ZNF232: variants seen among roughly 807,000 people sequenced by gnomAD.
The protein encoded by ZNF232 is zinc finger protein 232.
A neutral mutation model predicts 25.2 loss-of-function variants in ZNF232; 25 were observed. The observed-to-expected ratio is 0.99, with a 90% CI of 0.72 to 1.39. The LOEUF (loss-of-function observed/expected upper bound fraction) is 1.39. Among genes scored for constraint, ZNF232 ranks in the 40% most tolerant of loss-of-function variants. The pLI, the probability that ZNF232 is intolerant of heterozygous loss-of-function variation, is 0.00. For missense variants in ZNF232, 519 were observed against 520.9 expected, an observed-to-expected ratio of 1.00 and a Z score of 0.04; for synonymous variants, 193 against 182.9, an observed-to-expected ratio of 1.06 and a Z score of -0.45.
At position 5,109,058 on chromosome 17, in the gene ZNF232, G is replaced by A; in HGVS notation, c.499-6C>T. 2 of 1,613,996 alleles carry A rather than the reference G, an allele frequency of 1.2e-6. No individual in the cohort carries two copies. The highest frequency in any genetic ancestry group is 1.7e-6 in the Non-Finnish European group (2 of 1,179,968). On this transcript the variant is annotated splice_region_variant and splice_polypyrimidine_tract_variant and intron_variant, in intron 2 of 3. Transcript: ENST00000575898. ...CCATGTGCAGGGCCTGGGACCTGGA[G>A]GTGATCAGGCACCACTCAGTTTAAA...
chr17:5,116,898 A>G (rs1461479018), intron 1 of ZNF232, among the ~76,000 whole-genome samples: 1 of 152,222 alleles, frequency 6.6e-6, no homozygotes, highest in Non-Finnish European at 1.5e-5. Context: ...TGATGGAGCT[A>G]GGTACGGAGG....
exon 4 of ZNF232, chr17:5,105,876 G>A: frequency 1.2e-6 from 2 of 1,613,680 alleles, no homozygotes; most frequent in Non-Finnish European, 1.7e-6. Flanking sequence ...AATGAGCTCT[G>A]AGCACCATCC....
intron 1 of ZNF232, among the ~76,000 whole-genome samples, chr17:5,122,505 G>C (rs965343503): frequency 6.6e-6 from 1 of 152,348 alleles, no homozygotes; most frequent in Non-Finnish European, 1.5e-5. Context: ...AAGGACAAGC[G>C]GCCCGGCGGT....
chr17:5,116,819 G>C (rs1407125510), upstream of ZNF232: 1 of 152,238 alleles, frequency 6.6e-6, no homozygotes, highest in Non-Finnish European at 1.5e-5. Context: ...CACTCACTGA[G>C]GTAAATACAA....
In ZNF232 at chr17:5,109,870, T is replaced by A; in HGVS notation, c.24-2A>T. On this transcript the variant is annotated splice_acceptor_variant, in intron 1 of 3. Coordinates refer to ENST00000575898, the Ensembl canonical transcript of ZNF232. LOFTEE classifies it high-confidence loss of function. ...CAGCTGGAATCTTGCAAGGGCCCCC[T>A]GTAACATAAGAAGAAATCATTCCTC... 1 of 1,590,900 alleles carries A rather than the reference T, an allele frequency of 6.3e-7. No individual in the cohort carries two copies. Among genetic ancestry groups the A allele is most frequent in the South Asian group, 1.2e-5 (1 of 86,668 alleles).
Position 5,109,841 on chromosome 17 carries a change from A to C in ZNF232, c.51T>G (p.Tyr17Ter), listed in dbSNP as rs2072354862. The C allele has an allele frequency of 6.2e-7, 1 of 1,611,090 alleles. No individual in the cohort carries two copies. Among genetic ancestry groups the C allele is most frequent in the African/African-American group, 1.3e-5 (1 of 74,734 alleles). The change falls in exon 2 of 4, where the codon TAT (tyrosine) becomes TAG (stop). Residue 17 changes from tyrosine (Y) to a stop codon, truncating the protein, a stop_gained. Transcript: ENST00000575898. LOFTEE classifies it high-confidence loss of function. ...TCTGCACTAGCTCTGCAGAAGGCTC[A>C]TACCAGCTGGAATCTTGCAAGGGCC...
rs772963250 is a variant in ZNF232, at chr17:5,106,507, C to A, written c.626-1G>T. 2 of 1,610,974 alleles carry A rather than the reference C, an allele frequency of 1.2e-6. No homozygotes were observed. The highest frequency in any genetic ancestry group is 1.7e-6 in the Non-Finnish European group (2 of 1,178,170). On this transcript the variant is annotated splice_acceptor_variant, in intron 3 of 3. Transcript: ENST00000575898. LOFTEE classifies it high-confidence loss of function. ...GGCTCTGGGCCATCTTCTGTAACAACTGACAGAAAATGTAAATATACCTGT... is the reference window on the plus strand; with the variant it reads ...GGCTCTGGGCCATCTTCTGTAACAAATGACAGAAAATGTAAATATACCTGT...
Position 5,109,071 on chromosome 17 carries a change from C to A in ZNF232, c.499-19G>T. 6.2e-7 allele frequency: 1 copy of A among 1,613,788 alleles called. No individual in the cohort carries two copies. The highest frequency in any genetic ancestry group is 8.5e-7 in the Non-Finnish European group (1 of 1,179,894). ...CTGGGACCTGGAGGTGATCAGGCAC[C>A]ACTCAGTTTAAATTTTCTTCAAATT... On this transcript the variant is annotated intron_variant, in intron 2 of 3. Transcript: ENST00000575898.
intron 1 of ZNF232, among the ~76,000 whole-genome samples, chr17:5,118,636 A>T (rs1008488493): frequency 1.3e-5 from 2 of 152,238 alleles, no homozygotes; most frequent in East Asian, 3.8e-4. Flanking sequence ...TGGGTAGCCA[A>T]ACTTGGTGGG....
intron 3 of ZNF232, among the ~76,000 whole-genome samples, chr17:5,107,344 C>T (rs563336962): frequency 4.5e-5 from 6 of 132,534 alleles, no homozygotes; most frequent in Non-Finnish European, 4.7e-5. Flanking sequence ...GCCGAGATCA[C>T]GCCACTGCAC....
At chr17:5,121,407 C>T in intron 1 of ZNF232, 1 of 329,548 alleles carries the variant, frequency 3.0e-6, no homozygotes, top group Non-Finnish European at 5.9e-6. Flanking sequence ...TGGCCACCAA[C>T]ACAGAGGCCC....
At chr17:5,111,848 C>T (rs1272758266), upstream of ZNF232, 2 of 1,613,680 alleles carry the variant, frequency 1.2e-6, no homozygotes. Flanking sequence ...AATCGCGCCA[C>T]TTACAGCCCT....
chr17:5,122,505 G>T (rs965343503), intron 1 of ZNF232, among the ~76,000 whole-genome samples: 2 of 152,230 alleles, frequency 1.3e-5, no homozygotes, highest in African/African-American at 4.8e-5. Flanking sequence ...AAGGACAAGC[G>T]GCCCGGCGGT....
At chr17:5,109,253 G>A (rs1359456929) in intron 2 of ZNF232, 141 bp downstream of exon 2, 1 of 1,260,058 alleles carries the variant, frequency 7.9e-7, no homozygotes, top group Non-Finnish European at 1.1e-6. Context: ...GGGCAGAAAA[G>A]ACAGACACAG....
At chr17:5,106,291 C>A in exon 4 of ZNF232, 1 of 1,614,250 alleles carries the variant, frequency 6.2e-7, no homozygotes. Flanking sequence ...TGGATGACAA[C>A]CATCTGCCTG....
intron 2 of ZNF232, 147 bp downstream of exon 2, chr17:5,109,247 A>G: frequency 8.0e-7 from 1 of 1,245,986 alleles, no homozygotes; most frequent in South Asian, 1.3e-5. Context: ...GCTCGAGGGC[A>G]GAAAAGACAG....
chr17:5,117,700 G>T (rs886114900), intron 1 of ZNF232, among the ~76,000 whole-genome samples: 4 of 152,092 alleles, frequency 2.6e-5, no homozygotes, highest in African/African-American at 7.2e-5. Flanking sequence ...CATTCCAGCT[G>T]CCCTGTAGAG....
chr17:5,121,510 C>T (rs1277355354), intron 1 of ZNF232: 2 of 210,272 alleles, frequency 9.5e-6, no homozygotes, highest in Non-Finnish European at 1.9e-5. Flanking sequence ...TGTCCCCTCC[C>T]CACCCTGTAC....
intron 3 of ZNF232, among the ~76,000 whole-genome samples, chr17:5,108,556 C>G (rs2072317762): frequency 6.6e-6 from 1 of 150,492 alleles, no homozygotes; most frequent in South Asian, 2.1e-4. Flanking sequence ...TGGCCTCTAG[C>G]TCAGGGCAGA....
Sources: allele counts gnomAD v4.1 joint callset (sites outside exome capture counted in the v4.1 genomes callset), GRCh38; gene constraint gnomAD v4.1.1; transcripts MANE v1.5; gene names NCBI Gene and HGNC (gene_info 2026-07-23, HGNC 2026-07-21).